The following GRM7 variants were observed in gnomAD, a reference collection of about 807,000 sequenced individuals.
GRM7 encodes the protein metabotropic glutamate receptor 7.
Under a neutral mutation model 84.5 loss-of-function variants are expected in GRM7, and 35 were observed. The ratio of observed to expected loss-of-function variants is 0.41; its 90% CI spans 0.32 to 0.55. GRM7 has a LOEUF of 0.55. GRM7 is among the 20% of genes least tolerant of loss of function. The pLI is 0.19. For missense variants in GRM7, 1,003 were observed against 1,194.6 expected, an observed-to-expected ratio of 0.84 and a Z score of 2.36; for synonymous variants, 487 against 455.1, an observed-to-expected ratio of 1.07 and a Z score of -0.89.
chr3:7,391,773 C>A (rs28660123), intron 4 of GRM7, among the ~76,000 whole-genome samples: 69,964 of 111,568 alleles, frequency 0.63, 18,162 homozygotes, highest in African/African-American at 0.76. Flanking sequence ...GGAAAAAAAA[C>A]AAGAGCTGGC....
chr3:7,368,072 G>A (rs1318680446), intron 4 of GRM7, among the ~76,000 whole-genome samples: 1 of 151,938 alleles, frequency 6.6e-6, no homozygotes, highest in Non-Finnish European at 1.5e-5. Flanking sequence ...TCTATTTAGA[G>A]GACATAGAAC....
At chr3:7,101,729 C>T (rs1443292186) in intron 1 of GRM7, among the ~76,000 whole-genome samples, 1 of 148,872 alleles carries the variant, frequency 6.7e-6, no homozygotes, top group Non-Finnish European at 1.5e-5. Flanking sequence ...CTTTATATAT[C>T]TACAGAGAGA....
intron 1 of GRM7, among the ~76,000 whole-genome samples, chr3:6,942,645 G>T (rs1397068354): frequency 2.6e-5 from 4 of 152,040 alleles, no homozygotes; most frequent in Non-Finnish European, 4.4e-5. Flanking sequence ...TGGGAATTTA[G>T]GTTATTGCCA....
At chr3:6,967,280 A>G (rs1693559334) in intron 1 of GRM7, among the ~76,000 whole-genome samples, 1 of 151,968 alleles carries the variant, frequency 6.6e-6, no homozygotes, top group South Asian at 2.1e-4. Flanking sequence ...GCAGCCACAA[A>G]CTCCTGGGCA....
intron 7 of GRM7, among the ~76,000 whole-genome samples, chr3:7,464,745 A>C (rs527830408): frequency 6.6e-6 from 1 of 151,132 alleles, no homozygotes; most frequent in Admixed American, 6.6e-5. Context: ...GGAGAATGGC[A>C]TGAACCCAGG....
intron 1 of GRM7, among the ~76,000 whole-genome samples, chr3:6,909,853 T>A (rs1261268148): frequency 1.3e-5 from 2 of 152,126 alleles, no homozygotes; most frequent in Non-Finnish European, 2.9e-5. Flanking sequence ...AGTAAATTTT[T>A]ATGTAAAAAT....
At position 7,565,542 on chromosome 3, in the gene GRM7, C is replaced by T. The variant is rs1457752710; in HGVS notation, c.1516-12880C>T. Among the ~76,000 whole-genome samples the T allele has an allele frequency of 2.6e-5, 4 of 152,098 alleles. No homozygotes were observed. The East Asian group carries it at 7.7e-4, about 29-fold the overall frequency. ...TTATTTCATATTGTGACATGAAAGC[C>T]ACTGTGGGCCAGGAAACTTCATAGA... On this transcript the variant is annotated intron_variant, in intron 7 of 9. Transcript: ENST00000357716.
rs561464567 is a variant in GRM7 at position 7,174,529 on chromosome 3, A to G, written c.736+27861A>G. ...GGGCAGTCCTTTTTATGACAAACAC[A>G]TCCTGAAGTTTCAGTGGCTGACTAC... On this transcript the variant is annotated intron_variant, in intron 2 of 9. Coordinates refer to ENST00000357716, the MANE Select transcript of GRM7 (RefSeq NM_000844.4). Among the ~76,000 whole-genome samples, 4 of 152,344 alleles carry G rather than the reference A, an allele frequency of 2.6e-5. No individual in the cohort carries two copies. The East Asian group carries it at 5.8e-4, about 22-fold the overall frequency.
chr3:7,072,176 A>G (rs1697907268), intron 1 of GRM7, among the ~76,000 whole-genome samples: 1 of 152,070 alleles, frequency 6.6e-6, no homozygotes, highest in Non-Finnish European at 1.5e-5. Context: ...CATCTCTTGT[A>G]GGTGAATATG....
intron 4 of GRM7, among the ~76,000 whole-genome samples, chr3:7,347,134 C>T (rs1412076178): frequency 3.3e-5 from 5 of 152,038 alleles, no homozygotes; most frequent in South Asian, 2.1e-4. Context: ...TTAGTGAAAT[C>T]GATAAAATGT....
At chr3:7,378,805 T>A (rs536272357) in intron 4 of GRM7, among the ~76,000 whole-genome samples, 2 of 152,200 alleles carry the variant, frequency 1.3e-5, no homozygotes, top group Non-Finnish European at 2.9e-5. Flanking sequence ...TTTGCCACAT[T>A]TGATTCATCT....
chr3:6,891,009 T>A (rs1319975650), intron 1 of GRM7, among the ~76,000 whole-genome samples: 3 of 151,926 alleles, frequency 2.0e-5, no homozygotes, highest in Non-Finnish European at 4.4e-5. Context: ...TGTCTTTTGA[T>A]CTTTGTTGGT....
intron 6 of GRM7, among the ~76,000 whole-genome samples, chr3:7,459,504 A>G (rs915567209): frequency 3.9e-5 from 6 of 152,144 alleles, no homozygotes; most frequent in African/African-American, 1.4e-4. Context: ...TCACAGTTCC[A>G]TGAGGCTGGG....
chr3:7,298,546 T>C (rs1273238633), intron 2 of GRM7, 138 bp from the exon 3 acceptor site: 4 of 673,250 alleles, frequency 5.9e-6, no homozygotes, highest in Non-Finnish European at 5.1e-6. Flanking sequence ...TGGTGTCTTA[T>C]GCTGTCCTCG....
intron 1 of GRM7, among the ~76,000 whole-genome samples, chr3:6,874,130 C>T (rs1695221764): frequency 6.6e-6 from 1 of 152,184 alleles, no homozygotes; most frequent in Non-Finnish European, 1.5e-5. Flanking sequence ...TTAGGATGTA[C>T]TGCATACTGT....
In GRM7 at chr3:7,492,628, A is replaced by C. The variant is rs573051094; in HGVS notation, c.1515+30906A>C. The stretch of plus-strand genomic sequence containing the variant: ...GTTTTGTGATAATTCTATCTATTTT[A>C]TATTTTTTAAGAGCTGACCTTTTAT... On this transcript the variant is annotated intron_variant, in intron 7 of 9. Transcript: ENST00000357716. Among the ~76,000 whole-genome samples, 17 of 152,108 alleles carry C rather than the reference A, an allele frequency of 1.1e-4. No homozygotes were observed. The South Asian group carries it at 3.1e-3, about 28-fold the overall frequency.
At chr3:6,927,687 C>G (rs1697362745) in intron 1 of GRM7, among the ~76,000 whole-genome samples, 1 of 151,974 alleles carries the variant, frequency 6.6e-6, no homozygotes, top group South Asian at 2.1e-4. Flanking sequence ...ATTTTATACA[C>G]AGTTTAATAA....
intron 1 of GRM7, among the ~76,000 whole-genome samples, chr3:6,874,996 G>T (rs1340913845): frequency 6.6e-6 from 1 of 152,168 alleles, no homozygotes; most frequent in Non-Finnish European, 1.5e-5. Context: ...TTGAGGTCAA[G>T]TGTGGGGTCT....
intron 2 of GRM7, among the ~76,000 whole-genome samples, chr3:7,183,599 C>G (rs1695418073): frequency 6.6e-6 from 1 of 151,994 alleles, no homozygotes; most frequent in Admixed American, 6.6e-5. Context: ...TGCACTCCAG[C>G]CTGGGTGACA....
Sources: gnomAD v4.1 joint callset for allele counts (sites outside exome capture counted in the v4.1 genomes callset) on GRCh38, gnomAD v4.1.1 for gene constraint, MANE v1.5 for transcripts, NCBI Gene and HGNC (gene_info 2026-07-23, HGNC 2026-07-21) for gene names.